The following SETD4 variants were observed in gnomAD, a reference collection of about 807,000 sequenced individuals.
The protein encoded by SETD4 is SET domain-containing protein 4.
Under a neutral mutation model 58.3 loss-of-function variants are expected in SETD4, and 46 were observed. The observed-to-expected ratio is 0.79, with a 90% CI of 0.62 to 1.01. The LOEUF (loss-of-function observed/expected upper bound fraction) is 1.01. Ranked by LOEUF, SETD4 falls within the 50% of genes least tolerant of loss-of-function variation. The pLI, the probability that SETD4 is intolerant of heterozygous loss-of-function variation, is 0.00. For missense variants in SETD4, 490 were observed against 523.3 expected (o/e 0.94, Z 0.62); for synonymous variants, 190 against 202.6 (o/e 0.94, Z 0.53).
chr21:36,047,322 C>T (rs944455829), intron 5 of SETD4, among the ~76,000 whole-genome samples: 4 of 152,228 alleles, frequency 2.6e-5, no homozygotes, highest in African/African-American at 7.2e-5. Context: ...CACTGCGGGT[C>T]GCTCTCACTC....
chr21:36,042,850 T>C (rs1275728400), intron 7 of SETD4: 2 of 152,170 alleles, frequency 1.3e-5, no homozygotes, highest in Admixed American at 6.5e-5. Flanking sequence ...CCGCCTATAA[T>C]ACCAACACTC....
At chr21:36,037,231 G>A (rs1423046395) in intron 10 of SETD4, among the ~76,000 whole-genome samples, 1 of 152,190 alleles carries the variant, frequency 6.6e-6, no homozygotes, top group African/African-American at 2.4e-5. Context: ...TAAATAGCTT[G>A]ATTTAGCCAT....
chr21:36,035,813 T>A lies in SETD4; in HGVS notation c.*180A>T, dbSNP rs2063758258. ...GTTCAGCACTTTATTCGGAAGAGCA[T>A]TAGACCTGCCATCCAGACAGCTTGT... On this transcript the variant is annotated 3_prime_UTR_variant, in exon 12 of 12. Coordinates refer to ENST00000332131, the MANE Select transcript of SETD4 (RefSeq NM_017438.5). The A allele has an allele frequency of 5.0e-6, 2 of 396,844 alleles. No homozygotes were observed. The highest frequency in any genetic ancestry group is 9.2e-6 in the Non-Finnish European group (2 of 216,428). 24.6% of individuals were successfully genotyped at this position (396,844 alleles called of 1,614,324 possible).
intron 1 of SETD4, chr21:36,060,138 C>T: frequency 1.0e-6 from 1 of 985,480 alleles, no homozygotes; most frequent in African/African-American, 1.7e-5. Context: ...CTTTACGCAG[C>T]GCGCCGGAGC....
At chr21:36,060,093 G>A (rs2065216828) in intron 1 of SETD4, 1 of 985,644 alleles carries the variant, frequency 1.0e-6, no homozygotes, top group East Asian at 1.1e-4. Flanking sequence ...AGGCCAGCCA[G>A]GCGAGCATCG....
At chr21:36,040,711 A>C in intron 8 of SETD4, 56 bp from the exon 9 acceptor site, 3 of 1,477,750 alleles carry the variant, frequency 2.0e-6, no homozygotes, top group Non-Finnish European at 2.8e-6. Flanking sequence ...TCATGACCTC[A>C]TAGCAAATGA....
chr21:36,048,431 T>C, intron 4 of SETD4, 35 bp from the exon 5 acceptor site: 3 of 1,594,082 alleles, frequency 1.9e-6, no homozygotes, highest in East Asian at 2.2e-5. Flanking sequence ...AGGACGCCTA[T>C]GCTTTGGGAA....
At chr21:36,052,373 C>CAT in intron 4 of SETD4, among the ~76,000 whole-genome samples, 2 of 148,882 alleles carry the variant, frequency 1.3e-5, no homozygotes, top group African/African-American at 5.0e-5. Context: ...ATGGTGAAAC[C>CAT]CTGTCTCTAC....
intron 4 of SETD4, chr21:36,050,681 G>A: frequency 6.2e-7 from 1 of 1,602,142 alleles, no homozygotes; most frequent in South Asian, 1.1e-5. Flanking sequence ...AGTTCCCAAT[G>A]GTAGTAAAGA....
In SETD4 at chr21:36,035,361, G is replaced by C. The variant is rs2063745587; in HGVS notation, c.*632C>G. ...CTGTGCAGGATGAGCCAGCTCCCCA[G>C]GTGGAAAGGCCTGCCCAGGAAAGTC... On this transcript the variant is annotated 3_prime_UTR_variant, in exon 12 of 12. Transcript: ENST00000332131. 1 of 152,534 alleles carries C rather than the reference G, an allele frequency of 6.6e-6. No individual in the cohort carries two copies. The highest frequency in any genetic ancestry group is 6.5e-5 in the Admixed American group (1 of 15,300). The allele number at this position is 152,534 out of a possible 1,614,324, so 9.4% of individuals were successfully genotyped here. A position where few individuals can be genotyped will look rare whatever the true frequency, so the allele number is the denominator to read the frequency against.
At position 36,048,383 on chromosome 21, in the gene SETD4, A is replaced by C; in HGVS notation, c.221T>G (p.Ile74Ser). 2 of 1,614,118 alleles carry C rather than the reference A, an allele frequency of 1.2e-6. No individual in the cohort carries two copies. Among genetic ancestry groups the C allele is most frequent in the Non-Finnish European group, 1.7e-6 (2 of 1,180,014 alleles). ...CAGGCAACTCTCAGGCAACGAAATA[A>C]TCATCTGTCCCTCCTGGCCAAAAGG... ...SQTSLQEGQM[I>S]ISLPESCLLT... The change falls in exon 5 of 12, where the codon ATT (isoleucine) becomes AGT (serine). Residue 74 changes from isoleucine to serine, a missense_variant. By Grantham distance (142) the Ile-to-Ser change is moderately radical. Coordinates refer to ENST00000332131, the MANE Select transcript of SETD4 (RefSeq NM_017438.5).
chr21:36,048,867 A>G (rs943422289), intron 4 of SETD4, among the ~76,000 whole-genome samples: 1 of 152,038 alleles, frequency 6.6e-6, no homozygotes, highest in African/African-American at 2.4e-5. Context: ...ACAGGCACCC[A>G]TCACCATGAT....
chr21:36,046,067 A>C (rs2064314814), intron 5 of SETD4, 56 bp from the exon 6 acceptor site: 1 of 1,564,814 alleles, frequency 6.4e-7, no homozygotes. Context: ...ATACGAAATA[A>C]GCCAAGCAGT....
At chr21:36,051,290 G>A (rs2064669955) in intron 4 of SETD4, 8 of 1,592,662 alleles carry the variant, frequency 5.0e-6, no homozygotes, top group Non-Finnish European at 6.9e-6. Flanking sequence ...CTGAAAGCAT[G>A]GAGCGAGAGC....
At chr21:36,053,159 G>C (rs1366993656) in intron 4 of SETD4, 2 of 196,804 alleles carry the variant, frequency 1.0e-5, no homozygotes, top group South Asian at 9.7e-5. Flanking sequence ...CAGAGGGACT[G>C]GAATTTCCTT....
intron 10 of SETD4, among the ~76,000 whole-genome samples, chr21:36,037,311 T>A (rs7280551): frequency 0.42 from 64,001 of 151,900 alleles, 13,562 homozygotes; most frequent in Admixed American, 0.46. Flanking sequence ...ACTGACCAAT[T>A]AAAAATAAAG....
chr21:36,040,919 A>C (rs953061917), intron 8 of SETD4, among the ~76,000 whole-genome samples: 1 of 151,974 alleles, frequency 6.6e-6, no homozygotes. Flanking sequence ...CCAGCACTTT[A>C]GGAGGCCAAG....
chr21:36,045,423 G>C (rs908343250), intron 6 of SETD4, among the ~76,000 whole-genome samples, 159 bp downstream of exon 6: 1 of 152,172 alleles, frequency 6.6e-6, no homozygotes, highest in Non-Finnish European at 1.5e-5. Flanking sequence ...GGGTCTAGAA[G>C]AACAACAGGA....
Position 36,048,405 on chromosome 21 carries a change from A to G in SETD4, c.208-9T>C. 6.2e-7 allele frequency: 1 copy of G among 1,613,674 alleles called. No homozygotes were observed. Among genetic ancestry groups the G allele is most frequent in the South Asian group, 1.1e-5 (1 of 91,074 alleles). On this transcript the variant is annotated splice_polypyrimidine_tract_variant and intron_variant, in intron 4 of 11. Transcript: ENST00000332131. ...ATAATCATCTGTCCCTCCTGGCCAAAAGGAAAGTAAAGTTGAGGACGCCTA... is the reference window on the plus strand; with the variant it reads ...ATAATCATCTGTCCCTCCTGGCCAAGAGGAAAGTAAAGTTGAGGACGCCTA...
Sources: allele counts gnomAD v4.1 joint callset (sites outside exome capture counted in the v4.1 genomes callset), GRCh38; gene constraint gnomAD v4.1.1; transcripts MANE v1.5; gene names NCBI Gene and HGNC (gene_info 2026-07-23, HGNC 2026-07-21).